The following GLP1R variants were observed in gnomAD, a reference collection of about 807,000 sequenced individuals.
The protein encoded by GLP1R is glucagon like peptide 1 receptor.
A neutral mutation model predicts 68.4 loss-of-function variants in GLP1R; 32 were observed. That is an observed-to-expected ratio of 0.47 (90% CI 0.35 to 0.63). The LOEUF is 0.63. GLP1R is among the 20% of genes least tolerant of loss of function. GLP1R has a pLI of 0.00. For synonymous variants in GLP1R, 263 were observed against 244.4 expected, an observed-to-expected ratio of 1.08 and a Z score of -0.71; for missense variants, 502 against 594.9, an observed-to-expected ratio of 0.84 and a Z score of 1.62.
At chr6:39,073,583 C>T in intron 6 of GLP1R, 27 bp from the exon 7 acceptor site, 3 of 1,608,356 alleles carry the variant, frequency 1.9e-6, no homozygotes, top group African/African-American at 1.3e-5. Context: ...AGCTGTTGTC[C>T]CCATGACACC....
intron 1 of GLP1R, among the ~76,000 whole-genome samples, chr6:39,051,597 T>C (rs770549741): frequency 1.3e-5 from 2 of 152,142 alleles, no homozygotes; most frequent in Non-Finnish European, 2.9e-5. Context: ...AAAACAGGCT[T>C]CCTCAGCTGC....
intron 3 of GLP1R, among the ~76,000 whole-genome samples, chr6:39,060,578 CA>C (rs1768332976): frequency 6.6e-6 from 1 of 152,186 alleles, no homozygotes; most frequent in African/African-American, 2.4e-5. Flanking sequence ...GGGACAAAGT[CA>C]CAGGCAGACT....
At chr6:39,052,131 G>A (rs916375446) in intron 1 of GLP1R, among the ~76,000 whole-genome samples, 7 of 152,024 alleles carry the variant, frequency 4.6e-5, no homozygotes, top group South Asian at 4.2e-4. Flanking sequence ...GTGATGATGC[G>A]TGTGACCGTG....
At chr6:39,073,550 G>T (rs1768729610) in intron 6 of GLP1R, 60 bp from the exon 7 acceptor site, 3 of 1,435,632 alleles carry the variant, frequency 2.1e-6, no homozygotes, top group Non-Finnish European at 1.9e-6. Context: ...ACGGGGAGTG[G>T]TATCAAGAGA....
intron 5 of GLP1R, among the ~76,000 whole-genome samples, chr6:39,070,975 T>A (rs1419292509): frequency 8.4e-6 from 1 of 119,480 alleles, no homozygotes; most frequent in East Asian, 2.5e-4. Flanking sequence ...ATTAAGCAGT[T>A]GATAACAGTT....
chr6:39,055,752 TGTAA>T (rs1420643745), intron 1 of GLP1R, among the ~76,000 whole-genome samples: 3 of 152,250 alleles, frequency 2.0e-5, no homozygotes, highest in African/African-American at 7.2e-5. Context: ...TGAGTGCATC[TGTAA>T]GTGAGTGCGT....
At position 39,079,804 on chromosome 6, in the gene GLP1R, C is replaced by T. The variant is rs556131897; in HGVS notation, c.1182+102C>T. ...GATGGAAAAGGTGGGAAGACTGGGA[C>T]CTGGAGGGGTGATCCCTGCCCAAAG... On this transcript the variant is annotated intron_variant, in intron 11 of 12. Transcript: ENST00000373256. The surrounding 1 kb of genome is among the most constrained non-coding windows in gnomAD (Gnocchi z 4.5). 5 of 1,093,604 alleles carry T rather than the reference C, an allele frequency of 4.6e-6. No homozygotes were observed. The East Asian group carries it at 9.9e-5, about 22-fold the overall frequency. 67.7% of individuals were successfully genotyped at this position (1,093,604 alleles called of 1,614,324 possible).
intron 3 of GLP1R, among the ~76,000 whole-genome samples, chr6:39,063,947 ACACACACACACACACC>A (rs1768426754): frequency 7.8e-6 from 1 of 127,446 alleles, no homozygotes; most frequent in South Asian, 2.7e-4. Flanking sequence ...ACACACACAC[ACACACACACACACACC>A]CCACATTAAT....
chr6:39,070,511 T>C lies in GLP1R; in HGVS notation c.510-2351T>C, dbSNP rs74774900. Among the ~76,000 whole-genome samples the C allele has an allele frequency of 2.2e-4, 34 of 152,370 alleles. 1 individual carries two copies. In the East Asian group the frequency reaches 4.0e-3, roughly 18 times the overall value. On this transcript the variant is annotated intron_variant, in intron 5 of 12. Coordinates refer to ENST00000373256, the MANE Select transcript of GLP1R (RefSeq NM_002062.5). ...TTGCCAGGTCTGACTACCACCTGCT[T>C]TCGCAATTTTACTATGTTAAGTTGT...
chr6:39,061,832 A>T (rs2150825063), intron 3 of GLP1R, among the ~76,000 whole-genome samples: 1 of 152,294 alleles, frequency 6.6e-6, no homozygotes, highest in Non-Finnish European at 1.5e-5. Flanking sequence ...TTTGAACTTG[A>T]GTCTGTGTTG....
intron 5 of GLP1R, among the ~76,000 whole-genome samples, chr6:39,067,122 C>G (rs1768539256): frequency 6.6e-6 from 1 of 152,186 alleles, no homozygotes; most frequent in Non-Finnish European, 1.5e-5. Context: ...GTAACCCTCT[C>G]TGATCCCATC....
intron 6 of GLP1R, among the ~76,000 whole-genome samples, chr6:39,073,286 A>T (rs1489297549): frequency 2.0e-5 from 3 of 152,196 alleles, no homozygotes; most frequent in Non-Finnish European, 4.4e-5. Context: ...CTTTGGAGAC[A>T]CACTTGAGTT....
At position 39,090,077 on chromosome 6, in the gene GLP1R, C is replaced by T. The variant is rs1157958359; in HGVS notation, c.*4004C>T. On this transcript the variant is annotated 3_prime_UTR_variant, in exon 13 of 13. Coordinates refer to ENST00000373256, the MANE Select transcript of GLP1R (RefSeq NM_002062.5). ...AGTTCCCCTGGGAAAGAAAATCGCC[C>T]AAGTGAGAAACTTATGCCAACCACA... is the stretch of plus-strand genomic sequence containing the variant. Among the ~76,000 whole-genome samples, 1 of 152,156 alleles carries T rather than the reference C, an allele frequency of 6.6e-6. No homozygotes were observed. Among genetic ancestry groups the T allele is most frequent in the Non-Finnish European group, 1.5e-5 (1 of 68,024 alleles).
chr6:39,049,306 C>T lies in GLP1R; in HGVS notation c.78+388C>T, dbSNP rs1223272977. Among the ~76,000 whole-genome samples the T allele has an allele frequency of 6.6e-6, 1 of 152,186 alleles. No individual in the cohort carries two copies. Among genetic ancestry groups the T allele is most frequent in the Non-Finnish European group, 1.5e-5 (1 of 68,030 alleles). ...CACAGCCCGGCATCCTCCCGGACTC[C>T]CTCTGCCCCACAGTCTGACCCAGAC... On this transcript the variant is annotated intron_variant, in intron 1 of 12. Coordinates refer to ENST00000373256, the MANE Select transcript of GLP1R (RefSeq NM_002062.5). The surrounding 1 kb of genome is among the most constrained non-coding windows in gnomAD (Gnocchi z 4.5).
chr6:39,083,793 C>T (rs529469929), intron 12 of GLP1R, among the ~76,000 whole-genome samples: 57 of 152,166 alleles, frequency 3.7e-4, no homozygotes, highest in African/African-American at 1.1e-3. Flanking sequence ...GATAAAAATC[C>T]GATGGTGGAG....
At chr6:39,080,053 T>C (rs1768954747) in intron 11 of GLP1R, among the ~76,000 whole-genome samples, 3 of 152,154 alleles carry the variant, frequency 2.0e-5, no homozygotes, top group Admixed American at 6.5e-5. Context: ...AGGGTTAGCC[T>C]CACTTTACAG....
chr6:39,083,193 C>T (rs1769053811), intron 12 of GLP1R, among the ~76,000 whole-genome samples: 1 of 152,200 alleles, frequency 6.6e-6, no homozygotes, highest in African/African-American at 2.4e-5. Context: ...GCCACGGGGT[C>T]CAGGAGACCC....
At position 39,090,231 on chromosome 6, in the gene GLP1R, A is replaced by T. The variant is rs1359340588; in HGVS notation, c.*4158A>T. Among the ~76,000 whole-genome samples the T allele has an allele frequency of 6.6e-6, 1 of 152,226 alleles. No individual in the cohort carries two copies. The highest frequency in any genetic ancestry group is 1.5e-5 in the Non-Finnish European group (1 of 68,038). On this transcript the variant is annotated 3_prime_UTR_variant, in exon 13 of 13. Transcript: ENST00000373256. ...CTTAGTGCCACAGTGTGTCTGCAGT[A>T]TCTATAAGTACTTCCGCTCTGTCAA... is the stretch of plus-strand genomic sequence containing the variant.
chr6:39,060,366 A>C (rs777224967), intron 3 of GLP1R, among the ~76,000 whole-genome samples: 4 of 152,186 alleles, frequency 2.6e-5, no homozygotes, highest in Admixed American at 1.3e-4. Context: ...ATTTGGAGAG[A>C]ATTTAATGTT....
Sources: allele counts gnomAD v4.1 joint callset (sites outside exome capture counted in the v4.1 genomes callset), GRCh38; gene constraint gnomAD v4.1.1; non-coding constraint Gnocchi (gnomAD v3.1); transcripts MANE v1.5; gene names NCBI Gene and HGNC (gene_info 2026-07-23, HGNC 2026-07-21).